Variants in GLB1 observed in about 807,000 individuals in gnomAD.
The protein encoded by GLB1 is galactosidase beta 1.
In GLB1, 56 loss-of-function variants were observed where a neutral mutation model predicts 74.0. The ratio of observed to expected loss-of-function variants is 0.76; its 90% confidence interval spans 0.61 to 0.94. The LOEUF is 0.94. Ranked by LOEUF, GLB1 falls within the 40% of genes least tolerant of loss-of-function variation. The probability of loss-of-function intolerance (pLI) is 0.00; values close to 1 mark genes in which losing one functional copy is unlikely to be tolerated. For missense variants in GLB1, 787 were observed against 845.5 expected, an observed-to-expected ratio of 0.93 and a Z score of 0.86; for synonymous variants, 323 against 323.6, an observed-to-expected ratio of 1.00 and a Z score of 0.02.
chr3:33,034,869 C>A, intron 10 of GLB1: 1 of 495,550 alleles, frequency 2.0e-6, no homozygotes. Flanking sequence ...TCTAATCTGC[C>A]TTAACATGAT....
At chr3:32,971,128 C>T in the GLB1 span, among the ~76,000 whole-genome samples, 3 of 152,238 alleles carry the variant, frequency 2.0e-5, no homozygotes, top group East Asian at 1.9e-4. Context: ...ACAGCTCCAA[C>T]ATTTATATTC....
At chr3:32,971,786 TCTCTA>T in the GLB1 span, among the ~76,000 whole-genome samples, 1 of 152,180 alleles carries the variant, frequency 6.6e-6, no homozygotes, top group Non-Finnish European at 1.5e-5. Flanking sequence ...TTCTCTTGAT[TCTCTA>T]CTCTAAGCCA....
rs1300417283 is a variant in GLB1 at position 33,031,073 on chromosome 3, G to A, written c.1069-6748C>T. The stretch of plus-strand genomic sequence containing the variant: ...ATTCATATGAAGACAACCGCCTGGG[G>A]GCCTTCACCACTGAGCACAGGCTTA... On this transcript the variant is annotated intron_variant, in intron 10 of 15. Transcript: ENST00000307363. 3.3e-5 allele frequency among the ~76,000 whole-genome samples: 5 copies of A among 152,112 alleles called. No individual in the cohort carries two copies. The East Asian group carries it at 9.6e-4, about 29-fold the overall frequency.
chr3:32,966,962 C>T, the GLB1 span, among the ~76,000 whole-genome samples: 7 of 152,268 alleles, frequency 4.6e-5, no homozygotes, highest in Admixed American at 2.0e-4. Context: ...GATTTCTTTC[C>T]TTTATAAATT....
the GLB1 span, among the ~76,000 whole-genome samples, chr3:32,979,080 G>A: frequency 1.3e-5 from 2 of 151,800 alleles, no homozygotes; most frequent in South Asian, 4.2e-4. Context: ...GGGTTCAAGC[G>A]ATTCACCTGC....
intron 11 of GLB1, among the ~76,000 whole-genome samples, chr3:33,022,748 CG>C (rs1166855161): frequency 2.0e-5 from 3 of 151,284 alleles, no homozygotes; most frequent in African/African-American, 7.3e-5. Context: ...TTAGTAGAGA[CG>C]GGGTTTCACC....
chr3:32,996,097 C>T (rs114087850), downstream of GLB1, among the ~76,000 whole-genome samples: 1,472 of 152,206 alleles, frequency 9.7e-3, 21 homozygotes, highest in African/African-American at 0.033. Flanking sequence ...TCTGGTAAAC[C>T]GGCAGGATGA....
At chr3:33,080,687 C>T (rs1700292029) in intron 1 of GLB1, among the ~76,000 whole-genome samples, 1 of 152,212 alleles carries the variant, frequency 6.6e-6, no homozygotes, top group Admixed American at 6.5e-5. Context: ...AGAATCATGT[C>T]CCGGTTCCCA....
intron 2 of GLB1, among the ~76,000 whole-genome samples, chr3:33,069,572 G>A (rs1296353682): frequency 1.3e-5 from 2 of 152,158 alleles, no homozygotes; most frequent in African/African-American, 4.8e-5. Flanking sequence ...GAACTTTGAA[G>A]TTACAGATTA....
intron 1 of GLB1, among the ~76,000 whole-genome samples, chr3:33,086,268 G>T (rs911286321): frequency 7.2e-5 from 11 of 151,874 alleles, no homozygotes; most frequent in Non-Finnish European, 2.9e-5. Flanking sequence ...GGTTGCTGTG[G>T]TATCAGATCA....
chr3:32,963,049 T>G, the GLB1 span, among the ~76,000 whole-genome samples: 1 of 152,162 alleles, frequency 6.6e-6, no homozygotes, highest in Non-Finnish European at 1.5e-5. Flanking sequence ...TATGTTAAAT[T>G]AATTAGCTAA....
chr3:32,978,169 A>G, the GLB1 span, among the ~76,000 whole-genome samples: 2,298 of 152,258 alleles, frequency 0.015, 51 homozygotes, highest in African/African-American at 0.051. Flanking sequence ...TTATCTCAAA[A>G]ACGTTTGGGT....
At chr3:33,086,791 G>C (rs1700517767) in intron 1 of GLB1, among the ~76,000 whole-genome samples, 1 of 151,950 alleles carries the variant, frequency 6.6e-6, no homozygotes, top group African/African-American at 2.4e-5. Flanking sequence ...ATAAGGAAAA[G>C]GGGATGTTAT....
At chr3:33,080,726 C>T (rs530061722) in intron 1 of GLB1, among the ~76,000 whole-genome samples, 20 of 152,166 alleles carry the variant, frequency 1.3e-4, no homozygotes, top group Non-Finnish European at 2.8e-4. Flanking sequence ...GCATTCTGAC[C>T]CAGGCTGTCC....
chr3:33,094,002 C>G, intron 1 of GLB1: 1 of 1,614,150 alleles, frequency 6.2e-7, no homozygotes, highest in South Asian at 1.1e-5. Flanking sequence ...CACTGTGCTG[C>G]GCCAAATGTA....
intron 10 of GLB1, among the ~76,000 whole-genome samples, chr3:33,042,986 G>A (rs62253982): frequency 0.26 from 39,425 of 152,128 alleles, 5,664 homozygotes; most frequent in East Asian, 0.61. Context: ...TGAAGCCATT[G>A]TAGTAATGCC....
At chr3:33,092,883 A>G in intron 1 of GLB1, 1 of 1,613,742 alleles carries the variant, frequency 6.2e-7, no homozygotes, top group Non-Finnish European at 8.5e-7. Context: ...CCTGCTACCC[A>G]GCCTCATGGG....
At chr3:32,977,609 A>G in the GLB1 span, among the ~76,000 whole-genome samples, 1 of 152,164 alleles carries the variant, frequency 6.6e-6, no homozygotes, top group African/African-American at 2.4e-5. Context: ...CTGTGAATGG[A>G]GTCATGGAAG....
chr3:33,092,315 C>T (rs1700798317), intron 1 of GLB1: 1 of 987,104 alleles, frequency 1.0e-6, no homozygotes, highest in African/African-American at 1.7e-5. Flanking sequence ...ATATTCTTCT[C>T]TAGCAGCCAG....
Sources: allele counts gnomAD v4.1 joint callset (sites outside exome capture counted in the v4.1 genomes callset), GRCh38; gene constraint gnomAD v4.1.1; transcripts MANE v1.5; gene names NCBI Gene and HGNC (gene_info 2026-07-23, HGNC 2026-07-21).